STK35: variants seen among roughly 807,000 people sequenced by gnomAD.
STK35 encodes the protein serine/threonine kinase 35.
In STK35, 17 loss-of-function variants were observed where a neutral mutation model predicts 37.3. That is an observed-to-expected ratio of 0.46 (90% CI 0.31 to 0.68). The LOEUF is 0.68. STK35 is among the 30% of genes least tolerant of loss of function. The pLI, the probability that STK35 is intolerant of heterozygous loss-of-function variation, is 0.05. For missense variants in STK35, 595 were observed against 746.7 expected (o/e 0.80, Z 2.37); for synonymous variants, 385 against 319.1 (o/e 1.21, Z -2.20).
chr20:2,134,089 C>G (rs1033397202), intron 3 of STK35, among the ~76,000 whole-genome samples: 3 of 152,000 alleles, frequency 2.0e-5, no homozygotes, highest in Non-Finnish European at 2.9e-5. Flanking sequence ...TGATAACATT[C>G]GTCCACTTGA....
chr20:2,111,068 G>A (rs1014616993), intron 2 of STK35, among the ~76,000 whole-genome samples: 4 of 152,166 alleles, frequency 2.6e-5, no homozygotes, highest in African/African-American at 9.7e-5. Flanking sequence ...CATCTTATGT[G>A]ACAAGTTATT....
intron 2 of STK35, 103 bp from the exon 3 acceptor site, chr20:2,116,563 G>A: frequency 7.7e-7 from 1 of 1,301,462 alleles, no homozygotes; most frequent in Non-Finnish European, 1.1e-6. Flanking sequence ...TGGAGCAGTT[G>A]TTTGTCACCA....
chr20:2,125,132 C>T (rs1167158050), intron 3 of STK35, among the ~76,000 whole-genome samples: 3 of 152,188 alleles, frequency 2.0e-5, no homozygotes, highest in African/African-American at 7.2e-5. Flanking sequence ...TAGATAGCAT[C>T]CCTTTGGGCA....
Position 2,103,024 on chromosome 20 carries a change from C to T in STK35, c.551C>T (p.Ala184Val), listed in dbSNP as rs1600595494. 6.8e-7 allele frequency: 1 copy of T among 1,460,448 alleles called. No homozygotes were observed. 90.5% of individuals were successfully genotyped at this position (1,460,448 alleles called of 1,614,324 possible). A position where few individuals can be genotyped will look rare whatever the true frequency, so the allele number is the denominator to read the frequency against. ...DPVAAEAPGE[A>V]FLARRRPEGG... ...GTGGCGGCCGAGGCCCCGGGCGAGGCCTTCCTGGCGCGGCGACGGCCTGAG... is the reference window on the plus strand; with the variant it reads ...GTGGCGGCCGAGGCCCCGGGCGAGGTCTTCCTGGCGCGGCGACGGCCTGAG... Residue 184 changes from alanine to valine, a missense_variant, in exon 2 of 4, where the codon GCC becomes GTC. Around this residue, in one of 3 missense-constraint regions of STK35, gnomAD observed 389 missense variants for 320.0 expected, o/e 1.22. Transcript: ENST00000381482.
In STK35 at chr20:2,103,282, A is replaced by T; in HGVS notation, c.809A>T (p.Gln270Leu). 3 of 1,612,990 alleles carry T rather than the reference A, an allele frequency of 1.9e-6. No homozygotes were observed. The highest frequency in any genetic ancestry group is 2.5e-6 in the Non-Finnish European group (3 of 1,179,768). Residue 270 changes from glutamine to leucine, a missense_variant, in exon 2 of 4, where the codon CAG becomes CTG. This residue lies in a region of STK35 where 97 missense variants were observed against 146.4 expected (regional missense o/e 0.66). Transcript: ENST00000381482. Reference protein sequence around the residue: ...NVVQFEECVLQRNGLAQRMSH... With the variant: ...NVVQFEECVLLRNGLAQRMSH... ...GTGCAGTTTGAGGAGTGCGTCCTGC[A>T]GCGCAATGGGTTAGCCCAGCGCATG... is the stretch of plus-strand genomic sequence containing the variant.
chr20:2,114,840 T>C (rs1985686457), intron 2 of STK35, among the ~76,000 whole-genome samples: 1 of 152,238 alleles, frequency 6.6e-6, no homozygotes, highest in Admixed American at 6.5e-5. Flanking sequence ...GTTTCAGTGT[T>C]TTCTGATGTG....
chr20:2,131,354 C>G (rs1186406532), intron 3 of STK35, among the ~76,000 whole-genome samples: 1 of 152,182 alleles, frequency 6.6e-6, no homozygotes, highest in African/African-American at 2.4e-5. Context: ...TGGCTTATGC[C>G]TATATTCCCA....
At position 2,103,124 on chromosome 20, in the gene STK35, T is replaced by C. The variant is rs772460286; in HGVS notation, c.651T>C (p.Tyr217=). 2 of 1,603,926 alleles carry C rather than the reference T, an allele frequency of 1.2e-6. No individual in the cohort carries two copies. Among genetic ancestry groups the C allele is most frequent in the African/African-American group, 1.3e-5 (1 of 74,906 alleles). The part of the protein sequence containing the change: ...EIGRGSYGVV[Y]EAVAGRSGAR... ...GGCGCGGCAGCTACGGCGTGGTTTA[T>C]GAGGCAGTGGCCGGGCGCAGCGGGG... is the stretch of plus-strand genomic sequence containing the variant. The change falls in exon 2 of 4, where the codon TAT becomes TAC. Residue 217 remains tyrosine (Y), a synonymous_variant. Transcript: ENST00000381482.
chr20:2,141,633 G>C (rs1196934468), intron 3 of STK35, among the ~76,000 whole-genome samples: 1 of 152,200 alleles, frequency 6.6e-6, no homozygotes, highest in East Asian at 1.9e-4. Flanking sequence ...AATCAGAAGT[G>C]AGGGAAGAGG....
chr20:2,102,578 C>T (rs918912251), intron 1 of STK35, among the ~76,000 whole-genome samples, 190 bp from the exon 2 acceptor site: 7 of 152,226 alleles, frequency 4.6e-5, no homozygotes, highest in African/African-American at 1.4e-4. Context: ...TCCGGTTCCC[C>T]CTCTGAGCTG....
At chr20:2,103,584 C>A (rs1480747152) in intron 2 of STK35, among the ~76,000 whole-genome samples, 2 of 152,208 alleles carry the variant, frequency 1.3e-5, no homozygotes, top group African/African-American at 4.8e-5. Context: ...GTTTCCATAA[C>A]AAGAGCTCGT....
chr20:2,146,232 G>A lies in STK35; in HGVS notation c.*2486G>A, dbSNP rs1208924372. On this transcript the variant is annotated 3_prime_UTR_variant, in exon 4 of 4. Coordinates refer to ENST00000381482, the MANE Select transcript of STK35 (RefSeq NM_080836.4). ...CACTCAGCGGGCTCCGCCGTGGTGAGAGAACTGGCCGTGGCTCAGCCCCGG... is the reference window on the plus strand; with the variant it reads ...CACTCAGCGGGCTCCGCCGTGGTGAAAGAACTGGCCGTGGCTCAGCCCCGG... The A allele has an allele frequency of 6.6e-6, 1 of 152,306 alleles. No homozygotes were observed. The highest frequency in any genetic ancestry group is 1.5e-5 in the Non-Finnish European group (1 of 68,088). 9.4% of individuals were successfully genotyped at this position (152,306 alleles called of 1,614,324 possible). A position where few individuals can be genotyped will look rare whatever the true frequency, so the allele number is the denominator to read the frequency against.
intron 2 of STK35, among the ~76,000 whole-genome samples, chr20:2,115,679 A>G (rs1293145799): frequency 6.6e-6 from 1 of 152,190 alleles, no homozygotes; most frequent in Admixed American, 6.5e-5. Context: ...TCAAGCCCAC[A>G]CAATTTAAAT....
rs1373732645 is a variant in STK35, at chr20:2,102,859, C to T, written c.386C>T (p.Pro129Leu). 1.3e-6 allele frequency: 2 copies of T among 1,554,384 alleles called. No individual in the cohort carries two copies. Among genetic ancestry groups the T allele is most frequent in the East Asian group, 2.5e-5 (1 of 40,610 alleles). ...GARAAPLLLP[P>L]PPAAMETGKD... ...CGGGCAGCGCCGTTGCTGCTCCCCC[C>T]GCCGCCCGCAGCCATGGAAACGGGG... The change falls in exon 2 of 4, where the codon CCG becomes CTG. Residue 129 changes from proline to leucine, a missense_variant. Around this residue, in one of 3 missense-constraint regions of STK35, gnomAD observed 389 missense variants for 320.0 expected, o/e 1.22. Transcript: ENST00000381482.
intron 2 of STK35, among the ~76,000 whole-genome samples, chr20:2,113,730 G>A (rs1277264850): frequency 3.3e-5 from 5 of 152,218 alleles, no homozygotes; most frequent in Non-Finnish European, 7.3e-5. Context: ...GAATGATGAT[G>A]TTAGTGATGG....
At position 2,135,600 on chromosome 20, in the gene STK35, C is replaced by T. The variant is rs117259601; in HGVS notation, c.*38-8184C>T. Among the ~76,000 whole-genome samples the T allele has an allele frequency of 6.0e-3, 920 of 152,300 alleles. 9 individuals are homozygous for T. The highest frequency in any genetic ancestry group is 0.034 in the Middle Eastern group (10 of 294). On this transcript the variant is annotated intron_variant, in intron 3 of 3. Transcript: ENST00000381482. ...ATCTTGGGCAGGGCGTTGTGGCTCA[C>T]ACCTGTAATCCCAGCACTTTGGGAG...
At chr20:2,105,833 C>A (rs925773744) in intron 2 of STK35, among the ~76,000 whole-genome samples, 8 of 152,184 alleles carry the variant, frequency 5.3e-5, no homozygotes, top group African/African-American at 1.9e-4. Context: ...TGTTGTCAGG[C>A]ACACCAAGTT....
At position 2,102,176 on chromosome 20, in the gene STK35, G is replaced by C; in HGVS notation, c.294+1G>C. ...CCGGAAGTGGAGGTGCGCGGGCCAG[G>C]TAAGGGCGCCGTTGGAGGACTGAAG... On this transcript the variant is annotated splice_donor_variant, in intron 1 of 3. Transcript: ENST00000381482. LOFTEE classifies it high-confidence loss of function. 7.3e-7 allele frequency: 1 copy of C among 1,378,172 alleles called. No individual in the cohort carries two copies. Among genetic ancestry groups the C allele is most frequent in the Non-Finnish European group, 9.4e-7 (1 of 1,067,118 alleles). 85.4% of individuals were successfully genotyped at this position (1,378,172 alleles called of 1,614,324 possible).
chr20:2,132,122 C>T (rs1350940766), intron 3 of STK35, among the ~76,000 whole-genome samples: 1 of 152,178 alleles, frequency 6.6e-6, no homozygotes, highest in East Asian at 1.9e-4. Flanking sequence ...CCACTGGCCA[C>T]ATGGCTAGCT....
Sources: allele counts gnomAD v4.1 joint callset (sites outside exome capture counted in the v4.1 genomes callset), GRCh38; gene constraint gnomAD v4.1.1; regional missense constraint gnomAD v4.1.1; transcripts MANE v1.5; gene names NCBI Gene and HGNC (gene_info 2026-07-23, HGNC 2026-07-21).